Variants in SOX5 observed in about 807,000 individuals in gnomAD.
SOX5 encodes SRY-box transcription factor 5, also known as transcription factor SOX-5.
In SOX5, 9 loss-of-function variants were observed where a neutral mutation model predicts 92.0. That is an observed-to-expected ratio of 0.10 (90% CI 0.06 to 0.17). SOX5 has a LOEUF of 0.17. Among genes scored for constraint, SOX5 ranks in the 10% least tolerant of loss-of-function variants. The pLI, the probability that SOX5 is intolerant of heterozygous loss-of-function variation, is 1.00. For missense variants in SOX5, 642 were observed against 944.5 expected (o/e 0.68, Z 4.20); for synonymous variants, 344 against 336.3 (o/e 1.02, Z -0.25).
At chr12:23,660,618 G>A (rs925098086) in intron 7 of SOX5, among the ~76,000 whole-genome samples, 6 of 151,944 alleles carry the variant, frequency 3.9e-5, no homozygotes, top group African/African-American at 1.5e-4. Flanking sequence ...ACTATACATA[G>A]CACTGTTAAG....
intron 9 of SOX5, among the ~76,000 whole-genome samples, chr12:23,587,015 T>C (rs1174643019): frequency 1.3e-5 from 2 of 151,686 alleles, no homozygotes; most frequent in African/African-American, 4.8e-5. Context: ...TGGAGAGAGC[T>C]AGTTTTTAAG....
chr12:24,421,121 G>C (rs1483180628), intron 1 of SOX5, among the ~76,000 whole-genome samples: 1 of 152,196 alleles, frequency 6.6e-6, no homozygotes. Context: ...TGAAATGCAA[G>C]AATTATTATG....
chr12:24,151,356 A>C (rs1447948139), intron 4 of SOX5, among the ~76,000 whole-genome samples: 2 of 152,164 alleles, frequency 1.3e-5, no homozygotes, highest in Non-Finnish European at 2.9e-5. Flanking sequence ...TCATGAAAAA[A>C]AATTCTACAC....
intron 8 of SOX5, among the ~76,000 whole-genome samples, chr12:23,639,865 T>C (rs764114093): frequency 1.1e-4 from 17 of 152,194 alleles, no homozygotes; most frequent in Non-Finnish European, 2.2e-4. Context: ...ATTTTCCTTA[T>C]AGACTAAGAT....
chr12:24,322,222 C>T (rs1427774692), intron 2 of SOX5, among the ~76,000 whole-genome samples: 1 of 152,080 alleles, frequency 6.6e-6, no homozygotes, highest in Non-Finnish European at 1.5e-5. Flanking sequence ...TAGTAACATG[C>T]TACACCGATG....
chr12:23,869,733 A>G (rs17398078), intron 2 of SOX5, among the ~76,000 whole-genome samples: 327 of 152,236 alleles, frequency 2.1e-3, no homozygotes, highest in Non-Finnish European at 3.8e-3. Context: ...AGTAGCTCAG[A>G]CCACATTTGT....
intron 1 of SOX5, among the ~76,000 whole-genome samples, chr12:24,409,856 T>C (rs1217139906): frequency 6.6e-6 from 1 of 152,240 alleles, no homozygotes; most frequent in Non-Finnish European, 1.5e-5. Context: ...TTCTCTTTTT[T>C]ACTATAGAGT....
At chr12:23,539,207 T>A (rs1941357143) in intron 13 of SOX5, among the ~76,000 whole-genome samples, 1 of 152,158 alleles carries the variant, frequency 6.6e-6, no homozygotes, top group South Asian at 2.1e-4. Context: ...AAAATGTTTA[T>A]GCTTAGAAGT....
At chr12:24,170,482 A>C (rs746779571) in intron 4 of SOX5, among the ~76,000 whole-genome samples, 2 of 152,120 alleles carry the variant, frequency 1.3e-5, no homozygotes, top group Non-Finnish European at 2.9e-5. Context: ...CATACACAGA[A>C]CCAGGAGAAG....
Position 24,068,704 on chromosome 12 carries a change from GTATATATA to G in SOX5, c.-2+144631_-2+144638del, listed in dbSNP as rs1164844032. 8.4e-3 allele frequency among the ~76,000 whole-genome samples: 620 copies of G among 74,184 alleles called. 7 individuals are homozygous for G. The highest frequency in any genetic ancestry group is 0.02 in the African/African-American group (346 of 17,668). 48.7% of individuals were successfully genotyped at this position (74,184 alleles called of 152,430 possible). A position where few individuals can be genotyped will look rare whatever the true frequency, so the allele number is the denominator to read the frequency against. On this transcript the variant is annotated intron_variant, in intron 4 of 4. Transcript: ENST00000446891. ...TATGTGTGTGTGTGTGTGTGTGTGTGTATATATATATATATATATATATATATATATAT... is the reference window on the plus strand; with the variant it reads ...TATGTGTGTGTGTGTGTGTGTGTGTGTATATATATATATATATATATATAT...
At chr12:24,488,674 C>A (rs969646108) in intron 1 of SOX5, among the ~76,000 whole-genome samples, 3 of 152,132 alleles carry the variant, frequency 2.0e-5, no homozygotes, top group African/African-American at 7.2e-5. Flanking sequence ...TGTTCAATAT[C>A]TAATCTTTTA....
intron 1 of SOX5, among the ~76,000 whole-genome samples, chr12:24,542,096 C>T (rs1052611755): frequency 2.6e-5 from 4 of 152,114 alleles, no homozygotes; most frequent in Non-Finnish European, 5.9e-5. Context: ...ATTAAAAACC[C>T]AAAGGCTTAA....
chr12:24,465,652 T>C (rs1359597803), intron 1 of SOX5, among the ~76,000 whole-genome samples: 2 of 152,208 alleles, frequency 1.3e-5, no homozygotes, highest in African/African-American at 4.8e-5. Flanking sequence ...CACATCTGTA[T>C]GACAGTCTCA....
chr12:24,095,969 T>G (rs1459883686), intron 4 of SOX5, among the ~76,000 whole-genome samples: 1 of 152,146 alleles, frequency 6.6e-6, no homozygotes. Flanking sequence ...TCTCAGGCAG[T>G]TCCTTACAGC....
At chr12:24,131,222 T>C (rs1197323229) in intron 4 of SOX5, among the ~76,000 whole-genome samples, 1 of 152,326 alleles carries the variant, frequency 6.6e-6, no homozygotes, top group African/African-American at 2.4e-5. Flanking sequence ...AGGTAAAATA[T>C]GCATAGCATG....
chr12:23,727,500 T>A (rs1236020755), intron 6 of SOX5, among the ~76,000 whole-genome samples: 1 of 151,726 alleles, frequency 6.6e-6, no homozygotes, highest in Non-Finnish European at 1.5e-5. Flanking sequence ...CAGTTGGGAG[T>A]AACAGAAGAG....
chr12:23,639,192 G>C (rs2079693275), intron 8 of SOX5, among the ~76,000 whole-genome samples: 1 of 151,754 alleles, frequency 6.6e-6, no homozygotes, highest in African/African-American at 2.4e-5. Context: ...TTAATATCTT[G>C]AGATAATCTC....
At chr12:23,783,944 A>T (rs1469457046) in intron 3 of SOX5, among the ~76,000 whole-genome samples, 1 of 152,204 alleles carries the variant, frequency 6.6e-6, no homozygotes, top group Non-Finnish European at 1.5e-5. Context: ...TATCACCTGG[A>T]GGATTGTTAT....
chr12:24,060,725 T>C (rs1395401866), intron 4 of SOX5, among the ~76,000 whole-genome samples: 2 of 152,236 alleles, frequency 1.3e-5, no homozygotes, highest in African/African-American at 4.8e-5. Context: ...TAATGGGTTC[T>C]CTATGCGGGA....
Sources: allele counts gnomAD v4.1 joint callset (sites outside exome capture counted in the v4.1 genomes callset), GRCh38; gene constraint gnomAD v4.1.1; transcripts MANE v1.5; gene names NCBI Gene and HGNC (gene_info 2026-07-23, HGNC 2026-07-21).